The following TRPM6 variants were observed in gnomAD, a reference collection of about 807,000 sequenced individuals.
TRPM6 encodes transient receptor potential cation channel subfamily M member 6.
In TRPM6, 111 loss-of-function variants were observed where a neutral mutation model predicts 247.6. The observed-to-expected ratio is 0.45, with a 90% CI of 0.38 to 0.52. The LOEUF is 0.52. Among genes scored for constraint, TRPM6 ranks in the 20% least tolerant of loss-of-function variants. The pLI, the probability that TRPM6 is intolerant of heterozygous loss-of-function variation, is 0.00. For missense variants in TRPM6, 2,126 were observed against 2,421.5 expected (o/e 0.88, Z 2.56); for synonymous variants, 892 against 853.8 (o/e 1.04, Z -0.78).
At chr9:74,864,191 A>T (rs1830776012) in intron 1 of TRPM6, among the ~76,000 whole-genome samples, 1 of 152,186 alleles carries the variant, frequency 6.6e-6, no homozygotes, top group Non-Finnish European at 1.5e-5. Flanking sequence ...TGGAATTCAC[A>T]ACACTAGAAT....
At chr9:74,801,673 C>A (rs1182416562) in intron 16 of TRPM6, among the ~76,000 whole-genome samples, 1 of 152,164 alleles carries the variant, frequency 6.6e-6, no homozygotes, top group African/African-American at 2.4e-5. Flanking sequence ...TCTAATTAGT[C>A]AACAGCTGGA....
At chr9:74,742,537 C>G (rs1367629111) in intron 33 of TRPM6, 24 bp downstream of exon 33, 9 of 1,609,774 alleles carry the variant, frequency 5.6e-6, no homozygotes, top group Non-Finnish European at 7.7e-6. Context: ...GGCATAAACT[C>G]AAGAAGGTAG....
chr9:74,836,087 T>C (rs1471991518), intron 5 of TRPM6, among the ~76,000 whole-genome samples: 4 of 152,158 alleles, frequency 2.6e-5, no homozygotes, highest in Non-Finnish European at 4.4e-5. Context: ...CATGTTAGTA[T>C]CACTGGCCTG....
intron 36 of TRPM6, among the ~76,000 whole-genome samples, chr9:74,733,912 C>G (rs1825607458): frequency 6.6e-6 from 1 of 152,192 alleles, no homozygotes; most frequent in East Asian, 1.9e-4. Flanking sequence ...CCACCAAATT[C>G]TTGATCTGGG....
intron 12 of TRPM6, 119 bp downstream of exon 12, chr9:74,812,180 G>A (rs775007719): frequency 1.1e-4 from 141 of 1,306,734 alleles, no homozygotes; most frequent in Non-Finnish European, 1.5e-4. Flanking sequence ...AGATAATAGG[G>A]AAGTCCAGCT....
chr9:74,856,850 A>AT (rs1177105183), intron 2 of TRPM6, among the ~76,000 whole-genome samples: 14 of 152,220 alleles, frequency 9.2e-5, no homozygotes, highest in African/African-American at 3.1e-4. Flanking sequence ...TCTAAAAAAA[A>AT]GGCTGGCTAG....
rs113003674 is a variant in TRPM6, at chr9:74,821,793, C to T, written c.886G>A (p.Gly296Ser). 2.0e-5 allele frequency: 32 copies of T among 1,614,032 alleles called. No homozygotes were observed. The African/African-American group carries it at 2.3e-4, about 11-fold the overall frequency. Residue 296 changes from glycine to serine, a missense_variant, in exon 8 of 39, where the codon GGT (glycine) becomes AGT (serine). Physicochemically the swap from Gly to Ser is moderately conservative, Grantham distance 56. Transcript: ENST00000360774. ...CACACTGACAGGATGACGTTGGGAC[C>T]GCCTTCCACCACCAGCCCCACGACC... is the stretch of plus-strand genomic sequence containing the variant. Reference protein sequence around the residue: ...VPVVGLVVEGGPNVILSVWET... With the variant: ...VPVVGLVVEGSPNVILSVWET...
chr9:74,829,620 G>A (rs573541598), intron 6 of TRPM6, among the ~76,000 whole-genome samples: 1 of 152,028 alleles, frequency 6.6e-6, no homozygotes, highest in African/African-American at 2.4e-5. Flanking sequence ...GATGCAAAAG[G>A]CACTCTGAAC....
intron 1 of TRPM6, among the ~76,000 whole-genome samples, chr9:74,871,464 AGAATT>A: frequency 6.6e-6 from 1 of 152,316 alleles, no homozygotes; most frequent in South Asian, 2.1e-4. Flanking sequence ...CCTTATATAT[AGAATT>A]GCTTCATTTT....
At chr9:74,779,900 G>A (rs61085642) in intron 23 of TRPM6, among the ~76,000 whole-genome samples, 2,564 of 152,302 alleles carry the variant, frequency 0.017, 68 homozygotes, top group African/African-American at 0.059. Flanking sequence ...ACGGCTGGGC[G>A]CAGTGGCTCA....
intron 21 of TRPM6, among the ~76,000 whole-genome samples, chr9:74,784,031 G>A (rs771657598): frequency 2.6e-5 from 4 of 152,088 alleles, no homozygotes; most frequent in Admixed American, 6.6e-5. Context: ...CGAGGCGAGC[G>A]GATCACTTGA....
At chr9:74,852,486 T>C (rs888064813) in intron 3 of TRPM6, among the ~76,000 whole-genome samples, 3 of 141,198 alleles carry the variant, frequency 2.1e-5, no homozygotes, top group African/African-American at 9.2e-5. Flanking sequence ...TCCCTCTCCG[T>C]CTCCGTCTCC....
intron 1 of TRPM6, among the ~76,000 whole-genome samples, chr9:74,884,273 G>A (rs963728025): frequency 6.6e-5 from 10 of 152,198 alleles, no homozygotes; most frequent in Non-Finnish European, 1.0e-4. Context: ...GGCAGATCAC[G>A]AGGTCAAGAA....
At position 74,723,085 on chromosome 9, in the gene TRPM6, C is replaced by A. The variant is rs1825191324; in HGVS notation, c.*1528G>T. 1 of 152,138 alleles carries A rather than the reference C, an allele frequency of 6.6e-6. No homozygotes were observed. The allele number at this position is 152,138 out of a possible 1,614,324, so 9.4% of individuals were successfully genotyped here. A position where few individuals can be genotyped will look rare whatever the true frequency, so the allele number is the denominator to read the frequency against. On this transcript the variant is annotated 3_prime_UTR_variant, in exon 39 of 39. Coordinates refer to ENST00000360774, the MANE Select transcript of TRPM6 (RefSeq NM_017662.5). ...CCCACATCTCTCCTTGTGTGAAAAG[C>A]TGGTGCTTGTTCGAGGTAGGGCAAC...
intron 20 of TRPM6, 123 bp downstream of exon 20, chr9:74,788,491 G>A: frequency 8.8e-7 from 1 of 1,141,152 alleles, no homozygotes; most frequent in South Asian, 1.2e-5. Context: ...CAAGGTCAGT[G>A]TGTCCTGTCT....
intron 23 of TRPM6, among the ~76,000 whole-genome samples, chr9:74,779,650 T>C (rs1164155651): frequency 6.6e-6 from 1 of 152,040 alleles, no homozygotes; most frequent in Non-Finnish European, 1.5e-5. Flanking sequence ...TGGTTTCTTT[T>C]GTCTAGGAAA....
At chr9:74,836,150 ACTG>A (rs1829713919) in intron 5 of TRPM6, among the ~76,000 whole-genome samples, 1 of 152,162 alleles carries the variant, frequency 6.6e-6, no homozygotes, top group African/African-American at 2.4e-5. Flanking sequence ...GCTCCTGGCA[ACTG>A]CTGATCTTTC....
At chr9:74,751,370 A>G (rs374067020) in intron 29 of TRPM6, among the ~76,000 whole-genome samples, 30 of 152,296 alleles carry the variant, frequency 2.0e-4, no homozygotes, top group South Asian at 6.2e-4. Flanking sequence ...AGGTTAACTG[A>G]TGTACATAGC....
chr9:74,736,927 C>T (rs910535426), intron 36 of TRPM6, among the ~76,000 whole-genome samples: 3 of 152,150 alleles, frequency 2.0e-5, no homozygotes, highest in South Asian at 2.1e-4. Context: ...GAAGAGTCAT[C>T]ATTAATTCCT....
Sources: allele counts gnomAD v4.1 joint callset (sites outside exome capture counted in the v4.1 genomes callset), GRCh38; gene constraint gnomAD v4.1.1; transcripts MANE v1.5; gene names NCBI Gene and HGNC (gene_info 2026-07-23, HGNC 2026-07-21).